The following FHOD3 variants were observed in gnomAD, a reference collection of about 807,000 sequenced individuals.
The protein encoded by FHOD3 is FH1/FH2 domain-containing protein 3.
FHOD3 carries 90 observed loss-of-function variants against 173.0 expected under a neutral mutation model. The observed-to-expected ratio is 0.52, with a 90% CI of 0.44 to 0.62. The LOEUF (loss-of-function observed/expected upper bound fraction) is 0.62, where lower values mean the gene tolerates loss of function less well. Ranked by LOEUF, FHOD3 falls within the 20% of genes least tolerant of loss-of-function variation. FHOD3 has a pLI of 0.00. For synonymous variants in FHOD3, 828 were observed against 823.0 expected, an observed-to-expected ratio of 1.01 and a Z score of -0.10; for missense variants, 1,945 against 2,034.7, an observed-to-expected ratio of 0.96 and a Z score of 0.85.
rs753692584 is a variant in FHOD3 at position 36,297,804 on chromosome 18, C to T, written c.-32C>T. 4 of 1,491,788 alleles carry T rather than the reference C, an allele frequency of 2.7e-6. No individual in the cohort carries two copies. The African/African-American group carries it at 5.9e-5, about 22-fold the overall frequency. 92.4% of individuals were successfully genotyped at this position (1,491,788 alleles called of 1,614,324 possible). On this transcript the variant is annotated 5_prime_UTR_variant, in exon 1 of 29. Coordinates refer to ENST00000590592, the MANE Select transcript of FHOD3 (RefSeq NM_001281740.3). ...TCCCGGCCCGCGGCCCCGCTAACCC[C>T]GGGGCCCGCGCCCCCGCGGCAGGGA...
intron 3 of FHOD3, among the ~76,000 whole-genome samples, chr18:36,394,534 A>C (rs1568215089): frequency 6.6e-6 from 1 of 152,154 alleles, no homozygotes; most frequent in African/African-American, 2.4e-5. Context: ...GAACTTACAG[A>C]TCTAAGTGTA....
chr18:36,657,858 T>C (rs2036524134), intron 13 of FHOD3, among the ~76,000 whole-genome samples: 1 of 152,254 alleles, frequency 6.6e-6, no homozygotes, highest in Non-Finnish European at 1.5e-5. Flanking sequence ...TAAATCTTGC[T>C]GCCTAATGGT....
chr18:36,656,106 G>A (rs1568559505), intron 13 of FHOD3, among the ~76,000 whole-genome samples: 1 of 152,206 alleles, frequency 6.6e-6, no homozygotes, highest in Non-Finnish European at 1.5e-5. Context: ...CACGGAGAGT[G>A]CTAGGTGTCG....
chr18:36,602,187 G>A (rs2148481404), intron 7 of FHOD3, among the ~76,000 whole-genome samples: 2 of 152,358 alleles, frequency 1.3e-5, no homozygotes, highest in Middle Eastern at 3.4e-3. Flanking sequence ...CCTTGATGGA[G>A]TAGATGTAAT....
chr18:36,655,846 C>T (rs1026317497), intron 13 of FHOD3, among the ~76,000 whole-genome samples: 2 of 152,142 alleles, frequency 1.3e-5, no homozygotes, highest in Non-Finnish European at 2.9e-5. Flanking sequence ...GACTATGAGG[C>T]ATTTGAATTA....
At chr18:36,337,803 G>C (rs111813310) in intron 1 of FHOD3, among the ~76,000 whole-genome samples, 1 of 152,142 alleles carries the variant, frequency 6.6e-6, no homozygotes, top group African/African-American at 2.4e-5. Context: ...TGCCAGGTTG[G>C]GGGAGGCATC....
At chr18:36,691,669 C>T (rs2038971949) in intron 16 of FHOD3, among the ~76,000 whole-genome samples, 1 of 152,218 alleles carries the variant, frequency 6.6e-6, no homozygotes, top group African/African-American at 2.4e-5. Flanking sequence ...GCACTACACA[C>T]CTTTTATCAG....
chr18:36,474,059 T>G (rs1229639636), intron 3 of FHOD3, among the ~76,000 whole-genome samples: 2 of 152,262 alleles, frequency 1.3e-5, no homozygotes, highest in Non-Finnish European at 2.9e-5. Flanking sequence ...ACTCCTGACT[T>G]TCTTCTTCCA....
At chr18:36,580,480 G>A (rs1389410871) in intron 6 of FHOD3, among the ~76,000 whole-genome samples, 1 of 152,220 alleles carries the variant, frequency 6.6e-6, no homozygotes, top group African/African-American at 2.4e-5. Flanking sequence ...GAACAGTGAT[G>A]CCACAGCCCA....
intron 17 of FHOD3, among the ~76,000 whole-genome samples, chr18:36,700,770 C>T (rs973557209): frequency 6.6e-6 from 1 of 150,456 alleles, no homozygotes; most frequent in African/African-American, 2.5e-5. Flanking sequence ...CCTTTGTACC[C>T]AGTACCAACC....
Position 36,740,807 on chromosome 18 carries a change from C to T in FHOD3, c.3728C>T (p.Ala1243Val). The T allele has an allele frequency of 1.2e-6, 2 of 1,611,974 alleles. No individual in the cohort carries two copies. The highest frequency in any genetic ancestry group is 1.7e-6 in the Non-Finnish European group (2 of 1,179,536). Residue 1243 changes from alanine to valine, a missense_variant, in exon 21 of 29, where the codon GCA becomes GTA. This residue lies in a region of FHOD3 where 231 missense variants were observed against 321.9 expected (regional missense o/e 0.72). Transcript: ENST00000590592. ...SELSARLHLW[A>V]FKMDYETTEK... ...CTCTCTGCACGACTTCACCTCTGGG[C>T]ATTCAAAATGGATTATGAAACTACA...
chr18:36,768,189 T>C (rs914349203), intron 27 of FHOD3, among the ~76,000 whole-genome samples: 3 of 152,262 alleles, frequency 2.0e-5, no homozygotes, highest in African/African-American at 7.2e-5. Flanking sequence ...GAGCATATTG[T>C]ACATCTTTCC....
intron 1 of FHOD3, among the ~76,000 whole-genome samples, chr18:36,313,938 C>T (rs1156326793): frequency 2.0e-5 from 3 of 150,598 alleles, no homozygotes; most frequent in Non-Finnish European, 2.9e-5. Context: ...GGCTGGAGTG[C>T]GGTGGCATGA....
intron 3 of FHOD3, among the ~76,000 whole-genome samples, chr18:36,477,586 CCTACCTACCTACCTAT>C (rs2053657548): frequency 2.2e-5 from 3 of 137,240 alleles, no homozygotes; most frequent in East Asian, 2.6e-4. Flanking sequence ...TACCTACCTA[CCTACCTACCTACCTAT>C]CTACCTATCT....
intron 3 of FHOD3, among the ~76,000 whole-genome samples, chr18:36,500,186 A>C (rs1056790696): frequency 1.3e-5 from 2 of 152,186 alleles, no homozygotes; most frequent in African/African-American, 4.8e-5. Context: ...TTAAATGGGG[A>C]AGTGATGTCA....
At chr18:36,304,595 C>A (rs1455763410) in intron 1 of FHOD3, among the ~76,000 whole-genome samples, 1 of 151,954 alleles carries the variant, frequency 6.6e-6, no homozygotes, top group Non-Finnish European at 1.5e-5. Flanking sequence ...TTTCTTCCCA[C>A]CCTGATTGTT....
intron 6 of FHOD3, among the ~76,000 whole-genome samples, chr18:36,588,174 T>C (rs1465897547): frequency 2.6e-5 from 4 of 152,152 alleles, no homozygotes; most frequent in Non-Finnish European, 5.9e-5. Flanking sequence ...GTCGGGAAGG[T>C]TGAGATTTGG....
chr18:36,626,286 G>A (rs2034102629), intron 10 of FHOD3, among the ~76,000 whole-genome samples: 1 of 152,152 alleles, frequency 6.6e-6, no homozygotes, highest in African/African-American at 2.4e-5. Context: ...TTAGAGGCCA[G>A]GACTACTTGA....
At chr18:36,335,907 A>G (rs56124972) in intron 1 of FHOD3, among the ~76,000 whole-genome samples, 8,610 of 152,254 alleles carry the variant, frequency 0.057, 817 homozygotes, top group African/African-American at 0.2. Context: ...ATGAGGGTGC[A>G]TGAGGCTGTG....
Sources: gnomAD v4.1 joint callset for allele counts (sites outside exome capture counted in the v4.1 genomes callset) on GRCh38, gnomAD v4.1.1 for gene constraint, gnomAD v4.1.1 regional missense constraint, MANE v1.5 for transcripts, NCBI Gene and HGNC (gene_info 2026-07-23, HGNC 2026-07-21) for gene names.